ACTR8: variants seen among roughly 807,000 people sequenced by gnomAD.
ACTR8 encodes the protein actin-related protein 8.
A neutral mutation model predicts 84.3 loss-of-function variants in ACTR8; 70 were observed. The observed-to-expected ratio is 0.83, with a 90% CI of 0.68 to 1.01. The LOEUF is 1.01. Among genes scored for constraint, ACTR8 ranks in the 50% least tolerant of loss-of-function variants. ACTR8 has a pLI of 0.00. For synonymous variants in ACTR8, 268 were observed against 275.2 expected (o/e 0.97, Z 0.26); for missense variants, 672 against 775.4 (o/e 0.87, Z 1.58).
At chr3:53,860,014 C>G in the ACTR8 span, 1 of 761,042 alleles carries the variant, frequency 1.3e-6, no homozygotes, top group Non-Finnish European at 2.1e-6. Context: ...TGTCTCAAAA[C>G]TAAAAAATAA....
Position 53,870,042 on chromosome 3 carries a change from G to T in ACTR8, c.1671C>A (p.Asn557Lys). The part of the protein sequence containing the change: ...AQEFLQHRIL[N>K]KMPPSFRRII... ...TTCGCCTGAAGGATGGTGGCATTTT[G>T]TTGAGAATTCTGTGCTGCAGAAATT... Residue 557 changes from asparagine to lysine, a missense_variant, in exon 12 of 13, where the codon AAC becomes AAA. Transcript: ENST00000335754. This position sits in a 1 kb window ranked among gnomAD's most constrained non-coding sequence, Gnocchi z 4.1. 1 of 1,614,170 alleles carries T rather than the reference G, an allele frequency of 6.2e-7. No homozygotes were observed. The highest frequency in any genetic ancestry group is 8.5e-7 in the Non-Finnish European group (1 of 1,180,024).
In ACTR8 at chr3:53,870,205, G is replaced by A; in HGVS notation, c.1568-60C>T. ...CTCCACATCCATAATTCTAGGCCAA[G>A]CCACCAACACCTCTTGCTTGAGCAA... On this transcript the variant is annotated intron_variant, in intron 11 of 12. Transcript: ENST00000335754. The surrounding 1 kb of genome is among the most constrained non-coding windows in gnomAD (Gnocchi z 4.1). The A allele has an allele frequency of 1.3e-6, 2 of 1,578,270 alleles. No homozygotes were observed. The highest frequency in any genetic ancestry group is 8.6e-7 in the Non-Finnish European group (1 of 1,156,700).
At chr3:53,868,930 T>C in intron 12 of ACTR8, 68 bp from the exon 13 acceptor site, 3 of 1,549,120 alleles carry the variant, frequency 1.9e-6, no homozygotes, top group African/African-American at 1.4e-5. Context: ...TACTTGAATA[T>C]GGGGCCGAGA....
At chr3:53,875,395 A>G (rs1278461602) in intron 7 of ACTR8, among the ~76,000 whole-genome samples, 1 of 152,212 alleles carries the variant, frequency 6.6e-6, no homozygotes, top group East Asian at 1.9e-4. Context: ...TACCTGCATT[A>G]CCTGAGTGTG....
At position 53,880,024 on chromosome 3, in the gene ACTR8, C is replaced by T. The variant is rs201757378; in HGVS notation, c.209G>A (p.Ser70Asn). 5 of 1,614,176 alleles carry T rather than the reference C, an allele frequency of 3.1e-6. No homozygotes were observed. The highest frequency in any genetic ancestry group is 4.2e-6 in the Non-Finnish European group (5 of 1,180,004). ...TCTTCGGGCAATGACGTGAGGAATG[C>T]TGGCAGGAAGAGTGTCTGTGGCTCG... ...IGRATDTLPA[S>N]IPHVIARRHK... is the part of the protein sequence containing the mutation. The change falls in exon 2 of 13, where the codon AGC (serine) becomes AAC (asparagine). Residue 70 changes from serine (S) to asparagine (N), a missense_variant. Ser to Asn is a conservative substitution (Grantham distance 46, BLOSUM62 1). Transcript: ENST00000335754.
chr3:53,864,705 T>C (rs970998412), downstream of ACTR8: 1 of 1,429,992 alleles, frequency 7.0e-7, no homozygotes, highest in Non-Finnish European at 9.6e-7. Flanking sequence ...AAGCCTGCTG[T>C]TTGCTGTTCA....
intron 6 of ACTR8, 105 bp downstream of exon 6, chr3:53,876,515 T>C (rs1699971051): frequency 8.2e-6 from 6 of 728,398 alleles, no homozygotes; most frequent in Non-Finnish European, 1.4e-5. Flanking sequence ...AGAGACTCTG[T>C]CTCAAATAAA....
At chr3:53,878,939 C>T (rs1295880211) in intron 2 of ACTR8, among the ~76,000 whole-genome samples, 1 of 152,220 alleles carries the variant, frequency 6.6e-6, no homozygotes, top group Non-Finnish European at 1.5e-5. Flanking sequence ...AAATTTCTCA[C>T]AGCACTAATC....
the ACTR8 span, among the ~76,000 whole-genome samples, chr3:53,861,772 A>G: frequency 6.6e-6 from 1 of 152,348 alleles, no homozygotes; most frequent in Middle Eastern, 3.4e-3. Context: ...GGATGCCATT[A>G]AGAAAATCAC....
chr3:53,859,058 G>A, the ACTR8 span: 1 of 415,556 alleles, frequency 2.4e-6, no homozygotes, highest in Non-Finnish European at 4.3e-6. Context: ...ATACACAGAA[G>A]GGAAAAAAAT....
chr3:53,864,020 G>A (rs1380361682), downstream of ACTR8, among the ~76,000 whole-genome samples: 1 of 151,790 alleles, frequency 6.6e-6, no homozygotes, highest in Non-Finnish European at 1.5e-5. Context: ...ATGGGGTTTC[G>A]CCATGTTGCC....
At chr3:53,865,472 TTAAC>T (rs1452652759), downstream of ACTR8, 1 of 556,902 alleles carries the variant, frequency 1.8e-6, no homozygotes, top group Non-Finnish European at 3.1e-6. Context: ...TAATGTAGCA[TTAAC>T]TAACGATTGG....
rs767624134 is a variant in ACTR8, at chr3:53,882,071, T to A, written c.31A>T (p.Asn11Tyr). Residue 11 changes from asparagine to tyrosine, a missense_variant, in exon 1 of 13, where the codon AAC becomes TAC. Physicochemically the swap from Asn to Tyr is moderately radical, Grantham distance 143. Coordinates refer to ENST00000335754, the MANE Select transcript of ACTR8 (RefSeq NM_022899.5). ...TTCTCGCCGCCCTTCTCCTTTCCGT[T>A]CTCCGTATCACCCTTCTCAGCCTGG... The part of the protein sequence containing the change: MTQAEKGDTE[N>Y]GKEKGGEKEK... 1.4e-5 allele frequency: 22 copies of A among 1,551,480 alleles called. No individual in the cohort carries two copies. The highest frequency in any genetic ancestry group is 2.7e-5 in the African/African-American group (2 of 73,040).
At chr3:53,873,000 T>C in intron 9 of ACTR8, 32 bp downstream of exon 9, 3 of 1,519,098 alleles carry the variant, frequency 2.0e-6, no homozygotes, top group Non-Finnish European at 2.7e-6. Flanking sequence ...TAACTTTCTT[T>C]CTACCCATGG....
At chr3:53,864,787 C>T (rs763951825), downstream of ACTR8, 5 of 1,613,112 alleles carry the variant, frequency 3.1e-6, no homozygotes, top group Admixed American at 5.0e-5. Flanking sequence ...CACACTACTG[C>T]CCCCCATTAA....
chr3:53,865,048 G>A (rs199790259), downstream of ACTR8: 5 of 1,614,192 alleles, frequency 3.1e-6, no homozygotes, highest in South Asian at 3.3e-5. Context: ...CAGTCCCAGT[G>A]AGAACTCTCA....
intron 1 of ACTR8, 72 bp downstream of exon 1, chr3:53,881,907 G>A (rs1233659272): frequency 1.3e-6 from 2 of 1,546,014 alleles, no homozygotes; most frequent in Non-Finnish European, 1.7e-6. Context: ...GCCTCCCGCC[G>A]CCTCCCGCCC....
At chr3:53,871,012 T>G in intron 11 of ACTR8, 1 of 569,876 alleles carries the variant, frequency 1.8e-6, no homozygotes, top group Non-Finnish European at 3.0e-6. Context: ...TAATTTCACA[T>G]TTGTGTAATA....
At chr3:53,861,284 A>T in the ACTR8 span, 1 of 150,032 alleles carries the variant, frequency 6.7e-6, no homozygotes, top group Non-Finnish European at 1.5e-5. Context: ...TCATGAAAAA[A>T]AGCAAAAAAA....
Sources: allele counts gnomAD v4.1 joint callset (sites outside exome capture counted in the v4.1 genomes callset), GRCh38; gene constraint gnomAD v4.1.1; non-coding constraint Gnocchi (gnomAD v3.1); transcripts MANE v1.5; gene names NCBI Gene and HGNC (gene_info 2026-07-23, HGNC 2026-07-21).